The following ABCC1 variants were observed in gnomAD, a reference collection of about 807,000 sequenced individuals.
The protein encoded by ABCC1 is multidrug resistance-associated protein 1.
In ABCC1, 83 loss-of-function variants were observed where a neutral mutation model predicts 172.9. The ratio of observed to expected loss-of-function variants is 0.48; its 90% CI spans 0.40 to 0.58. The LOEUF (loss-of-function observed/expected upper bound fraction) is 0.58. Ranked by LOEUF, ABCC1 falls within the 20% of genes least tolerant of loss-of-function variation. The probability of loss-of-function intolerance (pLI) is 0.00; values close to 1 mark genes in which losing one functional copy is unlikely to be tolerated. For missense variants in ABCC1, 1,817 were observed against 2,002.7 expected (o/e 0.91, Z 1.77); for synonymous variants, 937 against 825.2 (o/e 1.14, Z -2.32).
intron 5 of ABCC1, among the ~76,000 whole-genome samples, chr16:16,031,085 G>C (rs2048543670): frequency 6.6e-6 from 1 of 152,154 alleles, no homozygotes; most frequent in Non-Finnish European, 1.5e-5. Context: ...CTGACCACAA[G>C]TGATCTGCCC....
chr16:16,068,130 G>A (rs751434297), intron 12 of ABCC1, 26 bp from the exon 13 acceptor site: 26 of 1,613,658 alleles, frequency 1.6e-5, no homozygotes, highest in Non-Finnish European at 2.2e-5. Flanking sequence ...GGGCACAGCA[G>A]TCAGCACTGG....
chr16:16,025,084 C>T (rs1027874795), intron 5 of ABCC1, among the ~76,000 whole-genome samples: 41 of 152,272 alleles, frequency 2.7e-4, no homozygotes, highest in African/African-American at 7.0e-4. Context: ...GTAGAGGAAA[C>T]GGAGGTCCTG....
chr16:16,050,737 A>G (rs985709373), intron 10 of ABCC1, among the ~76,000 whole-genome samples: 1 of 146,792 alleles, frequency 6.8e-6, no homozygotes, highest in Non-Finnish European at 1.5e-5. Context: ...TACAAAAAAA[A>G]AAAAAAAAAA....
At chr16:16,053,774 C>CAAAAAAAAAAAA (rs10526186) in intron 11 of ABCC1, among the ~76,000 whole-genome samples, 2 of 36,220 alleles carry the variant, frequency 5.5e-5, no homozygotes, top group Non-Finnish European at 7.1e-5. Context: ...GACCCTGTCT[C>CAAAAAAAAAAAA]AAAAAAAAAA....
At chr16:16,025,439 G>T (rs1370482615) in intron 5 of ABCC1, among the ~76,000 whole-genome samples, 1 of 152,212 alleles carries the variant, frequency 6.6e-6, no homozygotes, top group Non-Finnish European at 1.5e-5. Flanking sequence ...CAAGTTCCCA[G>T]GTGCCACCGA....
At chr16:16,052,875 A>G in intron 11 of ABCC1, 59 bp downstream of exon 11, 2 of 1,533,742 alleles carry the variant, frequency 1.3e-6, no homozygotes, top group African/African-American at 2.7e-5. Context: ...CCTCTCCATG[A>G]GGATTTTAGT....
At chr16:15,954,077 G>A (rs190030728) in intron 1 of ABCC1, among the ~76,000 whole-genome samples, 1 of 145,482 alleles carries the variant, frequency 6.9e-6, no homozygotes, top group African/African-American at 2.6e-5. Context: ...GTGTGATCTC[G>A]GTTCACTACA....
At chr16:15,994,380 C>T (rs1206812042) in intron 1 of ABCC1, among the ~76,000 whole-genome samples, 1 of 152,120 alleles carries the variant, frequency 6.6e-6, no homozygotes, top group South Asian at 2.1e-4. Context: ...ACTCTCTGGA[C>T]CTCAGAGCCC....
intron 12 of ABCC1, among the ~76,000 whole-genome samples, chr16:16,064,511 G>T (rs1032770646): frequency 1.3e-5 from 2 of 152,230 alleles, no homozygotes; most frequent in Admixed American, 6.5e-5. Context: ...GAAAGGGGCC[G>T]CATGATGTTG....
chr16:16,126,752 T>C (rs775287592), intron 26 of ABCC1, among the ~76,000 whole-genome samples: 1 of 152,218 alleles, frequency 6.6e-6, no homozygotes, highest in Non-Finnish European at 1.5e-5. Context: ...GTGATTGTAA[T>C]AAATTTTCCT....
chr16:16,094,327 C>A, intron 19 of ABCC1: 1 of 261,520 alleles, frequency 3.8e-6, no homozygotes, highest in Admixed American at 4.0e-5. Context: ...AGCAGAAATT[C>A]AGTGCTCTTT....
At chr16:16,011,794 C>T (rs544199482) in intron 3 of ABCC1, among the ~76,000 whole-genome samples, 6 of 152,214 alleles carry the variant, frequency 3.9e-5, no homozygotes, top group South Asian at 4.2e-4. Context: ...CTCAGCCTCC[C>T]GAGAGGCTGG....
chr16:15,978,502 C>T (rs1356969378), intron 1 of ABCC1, among the ~76,000 whole-genome samples: 1 of 152,126 alleles, frequency 6.6e-6, no homozygotes, highest in African/African-American at 2.4e-5. Context: ...ATGTGTATCT[C>T]TTTGGTGGTA....
intron 15 of ABCC1, 87 bp from the exon 16 acceptor site, chr16:16,079,265 G>C: frequency 6.4e-7 from 1 of 1,557,628 alleles, no homozygotes; most frequent in Non-Finnish European, 8.7e-7. Context: ...TTCTCTACTT[G>C]GGGTAAATTG....
chr16:16,022,540 C>T (rs1431303042), intron 5 of ABCC1, among the ~76,000 whole-genome samples: 1 of 152,084 alleles, frequency 6.6e-6, no homozygotes, highest in East Asian at 1.9e-4. Context: ...TTGGAATGCT[C>T]GACATCCCCC....
At chr16:16,038,597 C>A (rs773704332) in intron 7 of ABCC1, among the ~76,000 whole-genome samples, 2 of 152,194 alleles carry the variant, frequency 1.3e-5, no homozygotes, top group African/African-American at 4.8e-5. Flanking sequence ...TCCACTCATT[C>A]AAATGCCAGT....
chr16:16,127,474 C>T (rs901202814), intron 26 of ABCC1, among the ~76,000 whole-genome samples: 1 of 152,200 alleles, frequency 6.6e-6, no homozygotes, highest in Admixed American at 6.5e-5. Flanking sequence ...GCTGGGATTA[C>T]AAGCGGGAGC....
intron 1 of ABCC1, among the ~76,000 whole-genome samples, chr16:15,974,726 G>A (rs1005872164): frequency 1.3e-5 from 2 of 152,190 alleles, no homozygotes; most frequent in African/African-American, 2.4e-5. Flanking sequence ...ATCAAAGATA[G>A]CAAAATAGGA....
At chr16:15,964,530 A>G (rs1244654174) in intron 1 of ABCC1, among the ~76,000 whole-genome samples, 1 of 152,232 alleles carries the variant, frequency 6.6e-6, no homozygotes, top group African/African-American at 2.4e-5. Flanking sequence ...ACACAGAGCC[A>G]GACCATATCA....
Sources: gnomAD v4.1 joint callset for allele counts (sites outside exome capture counted in the v4.1 genomes callset) on GRCh38, gnomAD v4.1.1 for gene constraint, MANE v1.5 for transcripts, NCBI Gene and HGNC (gene_info 2026-07-23, HGNC 2026-07-21) for gene names.